Variants in MKS1 observed in about 807,000 individuals in gnomAD.
MKS1 encodes tectonic-like complex member MKS1.
MKS1 carries 70 observed loss-of-function variants against 83.7 expected under a neutral mutation model. The observed-to-expected ratio is 0.84, with a 90% CI of 0.69 to 1.02. The LOEUF (loss-of-function observed/expected upper bound fraction) is 1.02. Among genes scored for constraint, MKS1 ranks in the 50% least tolerant of loss-of-function variants. The pLI, the probability that MKS1 is intolerant of heterozygous loss-of-function variation, is 0.00. For synonymous variants in MKS1, 251 were observed against 273.4 expected, an observed-to-expected ratio of 0.92 and a Z score of 0.81; for missense variants, 681 against 726.9, an observed-to-expected ratio of 0.94 and a Z score of 0.73.
In MKS1 at chr17:58,213,754, C is replaced by T. The variant is rs751851769; in HGVS notation, c.749+11G>A. On this transcript the variant is annotated intron_variant, in intron 7 of 17. Coordinates refer to ENST00000393119, the MANE Select transcript of MKS1 (RefSeq NM_017777.4). Reference sequence around the variant, plus strand: ...TGCCAGTCTCCACTACCCCTTTCTTCCTCTCCTCACCTGTAGGGTCCTTTG... The same window carrying T: ...TGCCAGTCTCCACTACCCCTTTCTTTCTCTCCTCACCTGTAGGGTCCTTTG... The T allele has an allele frequency of 3.7e-6, 6 of 1,601,664 alleles. No individual in the cohort carries two copies. The South Asian group carries it at 6.6e-5, about 18-fold the overall frequency.
intron 6 of MKS1, among the ~76,000 whole-genome samples, 165 bp downstream of exon 6, chr17:58,214,094 T>C (rs1969044531): frequency 6.6e-6 from 1 of 151,930 alleles, no homozygotes; most frequent in South Asian, 2.1e-4. Flanking sequence ...GAGAAGAAGA[T>C]GAGGATCTGA....
chr17:58,211,035 G>T lies in MKS1; in HGVS notation c.916-13C>A. On this transcript the variant is annotated splice_polypyrimidine_tract_variant and intron_variant, in intron 9 of 17. Coordinates refer to ENST00000393119, the MANE Select transcript of MKS1 (RefSeq NM_017777.4). ...CACCTGGGACAGTCTAAGGTGAAGA[G>T]AAGTGGGAAAGGATCAGCAGGCCTG... 6.2e-7 allele frequency: 1 copy of T among 1,613,842 alleles called. No individual in the cohort carries two copies. The highest frequency in any genetic ancestry group is 8.5e-7 in the Non-Finnish European group (1 of 1,179,824).
At position 58,205,799 on chromosome 17, in the gene MKS1, C is replaced by T; in HGVS notation, c.*280G>A. 1.4e-6 allele frequency: 2 copies of T among 1,432,918 alleles called. No homozygotes were observed. Among genetic ancestry groups the T allele is most frequent in the Non-Finnish European group, 1.8e-6 (2 of 1,083,498 alleles). The allele number at this position is 1,432,918 out of a possible 1,614,324, so 88.8% of individuals were successfully genotyped here. On this transcript the variant is annotated 3_prime_UTR_variant, in exon 18 of 18. Coordinates refer to ENST00000393119, the MANE Select transcript of MKS1 (RefSeq NM_017777.4). ...GGCCAGACTCACTATGGGGTCACCC[C>T]AAACAGCTTCAGATCAAAAAGCCTG... is the stretch of plus-strand genomic sequence containing the variant.
At chr17:58,210,826 A>G in intron 10 of MKS1, 102 bp from the exon 11 acceptor site, 1 of 1,450,088 alleles carries the variant, frequency 6.9e-7, no homozygotes, top group Middle Eastern at 1.7e-4. Context: ...AAGTCTTTTG[A>G]GGGCCAGGAA....
intron 12 of MKS1, 106 bp from the exon 13 acceptor site, chr17:58,208,280 C>T: frequency 8.8e-7 from 1 of 1,133,758 alleles, no homozygotes; most frequent in Non-Finnish European, 1.3e-6. Flanking sequence ...AAATTATCAC[C>T]CAGGTGGGAA....
intron 2 of MKS1, among the ~76,000 whole-genome samples, chr17:58,218,375 G>A (rs1228189390): frequency 1.4e-5 from 2 of 147,844 alleles, no homozygotes; most frequent in South Asian, 2.2e-4. Flanking sequence ...GTGAACCCGG[G>A]AGGCGGAGCT....
chr17:58,207,003 G>T (rs527325759), intron 15 of MKS1, 82 bp downstream of exon 15: 1 of 1,585,292 alleles, frequency 6.3e-7, no homozygotes, highest in East Asian at 2.2e-5. Context: ...ACAACTAAGG[G>T]GTCTTGACCC....
intron 11 of MKS1, among the ~76,000 whole-genome samples, chr17:58,208,785 T>C (rs1968692886): frequency 6.6e-6 from 1 of 152,118 alleles, no homozygotes; most frequent in Non-Finnish European, 1.5e-5. Flanking sequence ...CAAAGGTCTC[T>C]GGTTCTCCTA....
intron 7 of MKS1, 135 bp downstream of exon 7, chr17:58,213,630 A>G: frequency 1.3e-6 from 1 of 757,392 alleles, no homozygotes; most frequent in South Asian, 1.5e-5. Context: ...CTTGGAACAG[A>G]ATACGAACCA....
At position 58,219,176 on chromosome 17, in the gene MKS1, C is replaced by A. The variant is rs863225205; in HGVS notation, c.55G>T (p.Asp19Tyr). 1.9e-6 allele frequency: 3 copies of A among 1,551,314 alleles called. No individual in the cohort carries two copies. Among genetic ancestry groups the A allele is most frequent in the South Asian group, 1.2e-5 (1 of 84,060 alleles). The change falls in exon 1 of 18, where the codon GAC (aspartate) becomes TAC (tyrosine). Residue 19 changes from aspartate to tyrosine, a missense_variant. Around this residue, in one of 3 missense-constraint regions of MKS1, gnomAD observed 365 missense variants for 383.8 expected, o/e 0.95. Transcript: ENST00000393119. ...CGGAGGCGCAAGTTGCGCACGGGGTCCCGGGAGCGATACACTGCCTCCCCG... is the reference window on the plus strand; with the variant it reads ...CGGAGGCGCAAGTTGCGCACGGGGTACCGGGAGCGATACACTGCCTCCCCG... Reference protein sequence around the residue: ...DTGEAVYRSRDPVRNLRLRVH... With the variant: ...DTGEAVYRSRYPVRNLRLRVH...
At chr17:58,211,329 GAT>G (rs1471490652) in intron 9 of MKS1, among the ~76,000 whole-genome samples, 1 of 152,236 alleles carries the variant, frequency 6.6e-6, no homozygotes, top group African/African-American at 2.4e-5. Context: ...CTTCCCTTTA[GAT>G]GGCTGAGGTC....
intron 7 of MKS1, among the ~76,000 whole-genome samples, chr17:58,213,467 C>A (rs1969003865): frequency 6.6e-6 from 1 of 152,224 alleles, no homozygotes; most frequent in African/African-American, 2.4e-5. Flanking sequence ...AAAAGCCTGG[C>A]TGAGTTCACC....
rs779149583 is a variant in MKS1, at chr17:58,212,987, T to G, written c.853A>C (p.Lys285Gln). 1.2e-5 allele frequency: 20 copies of G among 1,613,980 alleles called. No homozygotes were observed. The South Asian group carries it at 2.2e-4, about 18-fold the overall frequency. ...TGGAATGAACTTGCGCTTACATCCT[T>G]GAACACTCGCCGTTCCCGCTCCTCC... is the stretch of plus-strand genomic sequence containing the variant. ...EEEERERRVF[K>Q]DLYGRHKEYL... Residue 285 changes from lysine (K) to glutamine (Q), a missense_variant, in exon 8 of 18, where the codon AAG becomes CAG. Transcript: ENST00000393119.
intron 17 of MKS1, 48 bp from the exon 18 acceptor site, chr17:58,206,218 T>C: frequency 6.2e-7 from 1 of 1,613,886 alleles, no homozygotes; most frequent in East Asian, 2.2e-5. Flanking sequence ...GGTATTTCTC[T>C]CTGCACTGCA....
chr17:58,206,165 A>G lies in MKS1; in HGVS notation c.1594T>C (p.Phe532Leu), dbSNP rs1347023400. The change falls in exon 18 of 18, where the codon TTC becomes CTC. Residue 532 changes from phenylalanine (F) to leucine (L), a missense_variant. By Grantham distance (22) the Phe-to-Leu change is conservative (BLOSUM62 0). This residue lies in a region of MKS1 where 310 missense variants were observed against 321.7 expected (regional missense o/e 0.96). Transcript: ENST00000393119. ...TGCATGCGGCGCCGGGCTCGACGGA[A>G]GGCCTCTGTAAGGAAAGGAGATATG... ...QSSIHNVLEA[F>L]RRARRRMQEA... The G allele has an allele frequency of 5.0e-6, 8 of 1,613,912 alleles. No homozygotes were observed. Among genetic ancestry groups the G allele is most frequent in the Non-Finnish European group, 6.8e-6 (8 of 1,179,976 alleles).
At chr17:58,214,219 A>T in intron 6 of MKS1, 40 bp downstream of exon 6, 1 of 1,613,782 alleles carries the variant, frequency 6.2e-7, no homozygotes, top group Non-Finnish European at 8.5e-7. Flanking sequence ...AGAGGAGAAA[A>T]GGATGAGGCT....
chr17:58,211,250 T>C (rs1274945752), intron 9 of MKS1: 4 of 563,978 alleles, frequency 7.1e-6, no homozygotes, highest in East Asian at 3.1e-5. Flanking sequence ...GTGAGGACAA[T>C]GCACTATGGG....
chr17:58,216,109 A>G lies in MKS1; in HGVS notation c.396T>C (p.Asp132=). 1.9e-6 allele frequency: 3 copies of G among 1,614,220 alleles called. No homozygotes were observed. Among genetic ancestry groups the G allele is most frequent in the Non-Finnish European group, 2.5e-6 (3 of 1,180,026 alleles). ...ATACCTCCTCCAAATTGGTGTATCT[A>G]TCAGAGTCAGTGTAGGTAAAGATTC... ...NRRIFTYTDS[D]RYTNLEEHCQ... is the part of the protein sequence containing the mutation. The change falls in exon 4 of 18, where the codon GAT becomes GAC. Residue 132 remains aspartate (D), a synonymous_variant. Transcript: ENST00000393119.
rs776303055 is a variant in MKS1 at position 58,206,544 on chromosome 17, C to G, written c.1411G>C (p.Glu471Gln). ...CGGAGTCCAAAGCGGCTCAGGCGTT[C>G]CCCCTGTGGCATGCCATTGGGACAG... Reference protein sequence around the residue: ...YVRIPGSFKGERLSRFGLRTE... With the variant: ...YVRIPGSFKGQRLSRFGLRTE... The change falls in exon 16 of 18, where the codon GAA (glutamate) becomes CAA (glutamine). Residue 471 changes from glutamate (E) to glutamine (Q), a missense_variant. Physicochemically the swap from Glu to Gln is conservative, Grantham distance 29. This residue lies in a region of MKS1 where 310 missense variants were observed against 321.7 expected (regional missense o/e 0.96). Transcript: ENST00000393119. 3 of 1,612,236 alleles carry G rather than the reference C, an allele frequency of 1.9e-6. No individual in the cohort carries two copies. The Admixed American group carries it at 5.0e-5, about 27-fold the overall frequency.
Sources: gnomAD v4.1 joint callset for allele counts (sites outside exome capture counted in the v4.1 genomes callset) on GRCh38, gnomAD v4.1.1 for gene constraint, gnomAD v4.1.1 regional missense constraint, MANE v1.5 for transcripts, NCBI Gene and HGNC (gene_info 2026-07-23, HGNC 2026-07-21) for gene names.